GRID2: variants seen among roughly 807,000 people sequenced by gnomAD.
The protein encoded by GRID2 is glutamate ionotropic receptor delta type subunit 2.
Under a neutral mutation model 114.8 loss-of-function variants are expected in GRID2, and 33 were observed. That is an observed-to-expected ratio of 0.29 (90% CI 0.22 to 0.38). GRID2 has a LOEUF of 0.38. Among genes scored for constraint, GRID2 ranks in the 10% least tolerant of loss-of-function variants. The pLI, the probability that GRID2 is intolerant of heterozygous loss-of-function variation, is 1.00. For synonymous variants in GRID2, 505 were observed against 449.9 expected, an observed-to-expected ratio of 1.12 and a Z score of -1.55; for missense variants, 1,184 against 1,257.7, an observed-to-expected ratio of 0.94 and a Z score of 0.89.
chr4:93,787,869 A>T (rs1734623722), intron 1 of GRID2, among the ~76,000 whole-genome samples: 1 of 152,222 alleles, frequency 6.6e-6, no homozygotes, highest in Non-Finnish European at 1.5e-5. Context: ...AGACTCTGAC[A>T]TCATAACAGA....
At chr4:93,275,564 G>A (rs1341547023) in intron 8 of GRID2, among the ~76,000 whole-genome samples, 2 of 151,622 alleles carry the variant, frequency 1.3e-5, no homozygotes, top group South Asian at 2.1e-4. Flanking sequence ...GGCAATATAC[G>A]AGGGTTCAAT....
intron 11 of GRID2, among the ~76,000 whole-genome samples, chr4:93,459,870 A>G (rs968365641): frequency 6.6e-6 from 1 of 152,198 alleles, no homozygotes; most frequent in African/African-American, 2.4e-5. Flanking sequence ...GACTCATGTT[A>G]GAAACTCTGA....
intron 4 of GRID2, among the ~76,000 whole-genome samples, chr4:93,170,102 A>G (rs1390095829): frequency 6.6e-6 from 1 of 152,076 alleles, no homozygotes; most frequent in East Asian, 1.9e-4. Context: ...TTATTTTAAG[A>G]CAGAGGTTTC....
At chr4:92,322,761 T>C (rs1298578553) in intron 1 of GRID2, among the ~76,000 whole-genome samples, 1 of 152,180 alleles carries the variant, frequency 6.6e-6, no homozygotes, top group Non-Finnish European at 1.5e-5. Context: ...CAGGTTATTC[T>C]TTCCTTTTAT....
chr4:93,380,024 A>G (rs1459458823), intron 8 of GRID2, among the ~76,000 whole-genome samples: 2 of 152,076 alleles, frequency 1.3e-5, no homozygotes, highest in African/African-American at 2.4e-5. Flanking sequence ...AATGGTGCCC[A>G]ACCCTGCGAA....
At chr4:92,627,666 A>T (rs1730592305) in intron 2 of GRID2, among the ~76,000 whole-genome samples, 1 of 152,064 alleles carries the variant, frequency 6.6e-6, no homozygotes, top group Non-Finnish European at 1.5e-5. Context: ...AAATTATGAA[A>T]ATTTCTTCTG....
chr4:93,096,448 T>C (rs1252798309), intron 3 of GRID2, among the ~76,000 whole-genome samples: 2 of 152,002 alleles, frequency 1.3e-5, no homozygotes, highest in African/African-American at 4.8e-5. Context: ...GAAAAACGTA[T>C]AAATATGTGA....
chr4:93,583,848 C>T (rs1205851289), intron 13 of GRID2, among the ~76,000 whole-genome samples: 1 of 152,056 alleles, frequency 6.6e-6, no homozygotes, highest in Non-Finnish European at 1.5e-5. Context: ...AAGCTTTTTG[C>T]AAACAAACTA....
intron 2 of GRID2, among the ~76,000 whole-genome samples, chr4:93,066,256 T>C (rs1318151322): frequency 1.3e-5 from 2 of 151,942 alleles, no homozygotes; most frequent in Non-Finnish European, 2.9e-5. Flanking sequence ...TACTAAGATA[T>C]ATAGAGAAAA....
intron 1 of GRID2, among the ~76,000 whole-genome samples, chr4:92,321,877 C>T (rs1052482488): frequency 6.6e-6 from 1 of 152,112 alleles, no homozygotes; most frequent in African/African-American, 2.4e-5. Flanking sequence ...TACTTCCTGG[C>T]TGTGAAGTCC....
intron 14 of GRID2, among the ~76,000 whole-genome samples, chr4:93,734,795 G>A (rs1052216574): frequency 3.3e-5 from 5 of 152,002 alleles, no homozygotes; most frequent in African/African-American, 4.8e-5. Context: ...TTTAGAGAAA[G>A]TTTCAAAAGG....
In GRID2 at chr4:93,584,769, A is replaced by T. The variant is rs561568008; in HGVS notation, c.2194-41500A>T. 2.0e-5 allele frequency among the ~76,000 whole-genome samples: 3 copies of T among 152,254 alleles called. No individual in the cohort carries two copies. The South Asian group carries it at 6.2e-4, about 32-fold the overall frequency. On this transcript the variant is annotated intron_variant, in intron 13 of 15. Coordinates refer to ENST00000282020, the MANE Select transcript of GRID2 (RefSeq NM_001510.4). ...TATGTTTATGCTGTCTTTTCTGCAT[A>T]ATTAACTGAAGAAAATGGGTATCCT...
chr4:93,658,812 C>G (rs191116429), intron 14 of GRID2, among the ~76,000 whole-genome samples: 4 of 152,028 alleles, frequency 2.6e-5, no homozygotes, highest in Non-Finnish European at 5.9e-5. Flanking sequence ...CAATCTCCAG[C>G]GAATAGTTTT....
chr4:92,741,591 C>T (rs1736895556), intron 2 of GRID2, among the ~76,000 whole-genome samples: 1 of 152,142 alleles, frequency 6.6e-6, no homozygotes, highest in Non-Finnish European at 1.5e-5. Flanking sequence ...CCTTTAAAAT[C>T]ACTCTGCTTC....
intron 2 of GRID2, among the ~76,000 whole-genome samples, chr4:92,629,700 A>G (rs1730695587): frequency 1.3e-5 from 2 of 151,852 alleles, no homozygotes; most frequent in Non-Finnish European, 2.9e-5. Flanking sequence ...ATGTATAAAA[A>G]TTAGATTTTT....
At chr4:93,309,484 G>A (rs1444753903) in intron 8 of GRID2, among the ~76,000 whole-genome samples, 1 of 151,948 alleles carries the variant, frequency 6.6e-6, no homozygotes, top group African/African-American at 2.4e-5. Flanking sequence ...CAGTGGCTGA[G>A]CCAAGACAGA....
chr4:92,384,645 A>G (rs867483574), intron 1 of GRID2, among the ~76,000 whole-genome samples: 25 of 40,272 alleles, frequency 6.2e-4, no homozygotes, highest in East Asian at 3.3e-3. Context: ...TATATTATAT[A>G]TAATATATAG....
At chr4:92,563,157 G>A (rs566303065) in intron 1 of GRID2, among the ~76,000 whole-genome samples, 1 of 152,150 alleles carries the variant, frequency 6.6e-6, no homozygotes, top group South Asian at 2.1e-4. Context: ...CATGCTCCCC[G>A]TTTCTAGTTT....
At chr4:92,750,862 T>C (rs1737419816) in intron 2 of GRID2, among the ~76,000 whole-genome samples, 2 of 152,178 alleles carry the variant, frequency 1.3e-5, no homozygotes, top group African/African-American at 2.4e-5. Flanking sequence ...TACATATTTA[T>C]TGGTAACAAT....
Sources: gnomAD v4.1 joint callset for allele counts (sites outside exome capture counted in the v4.1 genomes callset) on GRCh38, gnomAD v4.1.1 for gene constraint, MANE v1.5 for transcripts, NCBI Gene and HGNC (gene_info 2026-07-23, HGNC 2026-07-21) for gene names.